The following NLGN1 variants were observed in gnomAD, a reference collection of about 807,000 sequenced individuals.
The protein encoded by NLGN1 is neuroligin 1.
NLGN1 carries 12 observed loss-of-function variants against 65.5 expected under a neutral mutation model. That is an observed-to-expected ratio of 0.18 (90% CI 0.12 to 0.30). The LOEUF is 0.30. NLGN1 is among the 10% of genes least tolerant of loss of function. The probability of loss-of-function intolerance (pLI) is 1.00; values close to 1 mark genes in which losing one functional copy is unlikely to be tolerated. For missense variants in NLGN1, 750 were observed against 1,007.1 expected (o/e 0.74, Z 3.46); for synonymous variants, 350 against 359.5 (o/e 0.97, Z 0.30).
At chr3:173,517,799 T>TATC (rs1553874142) in intron 2 of NLGN1, among the ~76,000 whole-genome samples, 2 of 150,376 alleles carry the variant, frequency 1.3e-5, no homozygotes, top group African/African-American at 4.9e-5. Flanking sequence ...TCTATCTATC[T>TATC]ATCATATCTA....
chr3:173,986,926 A>G (rs939946584), intron 4 of NLGN1, among the ~76,000 whole-genome samples: 2 of 152,156 alleles, frequency 1.3e-5, no homozygotes, highest in African/African-American at 2.4e-5. Flanking sequence ...TCTTAATGAC[A>G]TTTTGGTGAA....
intron 3 of NLGN1, among the ~76,000 whole-genome samples, chr3:173,687,377 A>G (rs1221685546): frequency 6.6e-6 from 1 of 152,216 alleles, no homozygotes; most frequent in African/African-American, 2.4e-5. Flanking sequence ...TGGCTTCACT[A>G]GAAGATGGAT....
intron 3 of NLGN1, among the ~76,000 whole-genome samples, chr3:173,713,348 G>T (rs1769308208): frequency 6.6e-6 from 1 of 152,040 alleles, no homozygotes; most frequent in South Asian, 2.1e-4. Context: ...AAGATACATG[G>T]CTTCATAACT....
intron 4 of NLGN1, among the ~76,000 whole-genome samples, chr3:174,171,845 C>T (rs79232049): frequency 0.1 from 15,372 of 152,178 alleles, 895 homozygotes; most frequent in Admixed American, 0.14. Context: ...CTCATGATTC[C>T]ACATGTCAGG....
intron 3 of NLGN1, among the ~76,000 whole-genome samples, chr3:173,657,263 T>C (rs900874720): frequency 6.6e-6 from 1 of 151,982 alleles, no homozygotes; most frequent in Non-Finnish European, 1.5e-5. Flanking sequence ...CTTCTATCTT[T>C]AGATTTGCCT....
intron 2 of NLGN1, among the ~76,000 whole-genome samples, chr3:173,498,701 C>T (rs1730468307): frequency 6.6e-6 from 1 of 151,834 alleles, no homozygotes; most frequent in Non-Finnish European, 1.5e-5. Context: ...TTCTTCACAT[C>T]CTCTCCAGCA....
At chr3:173,698,504 T>TACCC (rs1766591184) in intron 3 of NLGN1, among the ~76,000 whole-genome samples, 1 of 152,208 alleles carries the variant, frequency 6.6e-6, no homozygotes, top group Non-Finnish European at 1.5e-5. Context: ...CATAAGACTT[T>TACCC]ACCCACTAGT....
chr3:173,557,924 A>T lies in NLGN1; in HGVS notation c.-320-46355A>T, dbSNP rs544942591. Among the ~76,000 whole-genome samples the T allele has an allele frequency of 3.3e-5, 5 of 152,232 alleles. 1 individual carries two copies. The highest frequency in any genetic ancestry group is 4.1e-4 in the South Asian group (2 of 4,830). On this transcript the variant is annotated intron_variant, in intron 2 of 6. Transcript: ENST00000457714. ...TCCTTTGGCATTTTTCTTGTAATTGACATTTGGTAGCATCAATTTTTTCAC... is the reference window on the plus strand; with the variant it reads ...TCCTTTGGCATTTTTCTTGTAATTGTCATTTGGTAGCATCAATTTTTTCAC...
intron 2 of NLGN1, among the ~76,000 whole-genome samples, chr3:173,522,903 C>G (rs1735003221): frequency 6.6e-6 from 1 of 152,018 alleles, no homozygotes; most frequent in Non-Finnish European, 1.5e-5. Context: ...TATAAGTGTT[C>G]TGTTTTCTCC....
intron 4 of NLGN1, among the ~76,000 whole-genome samples, chr3:174,135,402 A>T (rs553595441): frequency 3.2e-4 from 48 of 152,300 alleles, no homozygotes; most frequent in Non-Finnish European, 5.0e-4. Context: ...TAAACAGTTA[A>T]ATATGCTCGA....
At chr3:173,688,649 G>A (rs149040938) in intron 3 of NLGN1, among the ~76,000 whole-genome samples, 2 of 152,262 alleles carry the variant, frequency 1.3e-5, no homozygotes, top group Admixed American at 6.5e-5. Flanking sequence ...GGCAAGTCAC[G>A]TGGTCTCTTA....
intron 4 of NLGN1, among the ~76,000 whole-genome samples, chr3:174,063,610 A>G (rs943917237): frequency 6.6e-6 from 1 of 151,926 alleles, no homozygotes; most frequent in African/African-American, 2.4e-5. Context: ...AGGTTCTTAT[A>G]TTTTATATAC....
Position 174,116,330 on chromosome 3 carries a change from C to CTTTTTTTTTTTTTTTTTTTTTTTTT in NLGN1, c.647-158982_647-158958dup, listed in dbSNP as rs1168837585. On this transcript the variant is annotated intron_variant, in intron 4 of 6. Transcript: ENST00000457714. ...ACATGTAAGTTTTTTTCTGGGTTTT[C>CTTTTTTTTTTTTTTTTTTTTTTTTT]TTTTTTTTTTTTTTTTTTTTTTTTT... 3.6e-4 allele frequency among the ~76,000 whole-genome samples: 25 copies of CTTTTTTTTTTTTTTTTTTTTTTTTT among 69,634 alleles called. 10 individuals are homozygous for CTTTTTTTTTTTTTTTTTTTTTTTTT. The highest frequency in any genetic ancestry group is 5.4e-4 in the South Asian group (1 of 1,854). The allele number at this position is 69,634 out of a possible 152,430, so 45.7% of individuals were successfully genotyped here. A position where few individuals can be genotyped will look rare whatever the true frequency, so the allele number is the denominator to read the frequency against.
chr3:173,778,202 A>G (rs1434533228), intron 3 of NLGN1, among the ~76,000 whole-genome samples: 3 of 152,010 alleles, frequency 2.0e-5, no homozygotes, highest in African/African-American at 4.8e-5. Flanking sequence ...TTATATACTT[A>G]CATTGACAAA....
chr3:174,217,920 C>A (rs1290175007), intron 4 of NLGN1, among the ~76,000 whole-genome samples: 1 of 152,030 alleles, frequency 6.6e-6, no homozygotes, highest in African/African-American at 2.4e-5. Context: ...AGAAGACAAA[C>A]TTCACCTAAC....
chr3:173,619,599 T>C (rs1372782696), intron 3 of NLGN1, among the ~76,000 whole-genome samples: 1 of 152,168 alleles, frequency 6.6e-6, no homozygotes, highest in African/African-American at 2.4e-5. Context: ...AATAAACTTA[T>C]GAAAAAGTTA....
chr3:173,411,525 G>C (rs1712548526), intron 1 of NLGN1, among the ~76,000 whole-genome samples: 3 of 152,186 alleles, frequency 2.0e-5, no homozygotes, highest in African/African-American at 7.2e-5. Context: ...AGGTCCATTA[G>C]AAGTAGTACT....
intron 4 of NLGN1, among the ~76,000 whole-genome samples, chr3:174,156,992 TTATA>T (rs952964472): frequency 9.4e-5 from 14 of 149,304 alleles, no homozygotes; most frequent in Non-Finnish European, 1.8e-4. Flanking sequence ...ATATGTATAT[TTATA>T]TATATAATAT....
chr3:174,275,701 TTTTC>T (rs1406314022), intron 5 of NLGN1, among the ~76,000 whole-genome samples, 174 bp downstream of exon 5: 3 of 151,894 alleles, frequency 2.0e-5, no homozygotes, highest in East Asian at 1.9e-4. Flanking sequence ...CGTCAAACTC[TTTTC>T]TTTGTCTCCT....
Sources: gnomAD v4.1 joint callset for allele counts (sites outside exome capture counted in the v4.1 genomes callset) on GRCh38, gnomAD v4.1.1 for gene constraint, MANE v1.5 for transcripts, NCBI Gene and HGNC (gene_info 2026-07-23, HGNC 2026-07-21) for gene names.